NPTXR: variants seen among roughly 807,000 people sequenced by gnomAD.
NPTXR encodes neuronal pentraxin receptor.
In NPTXR, 12 loss-of-function variants were observed where a neutral mutation model predicts 32.2. That is an observed-to-expected ratio of 0.37 (90% CI 0.24 to 0.60). The LOEUF (loss-of-function observed/expected upper bound fraction) is 0.60. NPTXR is among the 20% of genes least tolerant of loss of function. NPTXR has a pLI of 0.66. For missense variants in NPTXR, 612 were observed against 682.9 expected (o/e 0.90, Z 1.16); for synonymous variants, 323 against 315.8 (o/e 1.02, Z -0.24).
intron 4 of NPTXR, 56 bp downstream of exon 4, chr22:38,823,027 A>G: frequency 6.3e-7 from 1 of 1,592,000 alleles, no homozygotes; most frequent in Non-Finnish European, 8.6e-7. Flanking sequence ...TCTGGCCCTC[A>G]GTCTGCCCAT....
chr22:38,838,786 T>G (rs1236290426), intron 1 of NPTXR, among the ~76,000 whole-genome samples: 1 of 151,974 alleles, frequency 6.6e-6, no homozygotes, highest in Non-Finnish European at 1.5e-5. Context: ...TTTCACCGTG[T>G]TAGCCAGGAT....
At chr22:38,824,676 C>T (rs1266008660) in intron 3 of NPTXR, among the ~76,000 whole-genome samples, 1 of 152,224 alleles carries the variant, frequency 6.6e-6, no homozygotes, top group African/African-American at 2.4e-5. Context: ...CAGAACAGGG[C>T]TGCCCAATGC....
At position 38,832,446 on chromosome 22, in the gene NPTXR, G is replaced by A. The variant is rs145788417; in HGVS notation, c.625-3934C>T. ...CTGGGAGTCCGGGGTGGGGTTTGGC[G>A]TAAGTGTGCTGGGCCTAGAGCCAGA... On this transcript the variant is annotated intron_variant, in intron 1 of 4. Transcript: ENST00000333039. Among the ~76,000 whole-genome samples, 604 of 152,348 alleles carry A rather than the reference G, an allele frequency of 4.0e-3. 2 individuals are homozygous for A. The highest frequency in any genetic ancestry group is 0.01 in the Middle Eastern group (3 of 294).
At chr22:38,825,776 C>T (rs1196492246) in intron 3 of NPTXR, among the ~76,000 whole-genome samples, 1 of 151,802 alleles carries the variant, frequency 6.6e-6, no homozygotes, top group Non-Finnish European at 1.5e-5. Flanking sequence ...AACGAGGAGG[C>T]CACAAGCACT....
Position 38,822,534 on chromosome 22 carries a change from G to A in NPTXR, c.*75C>T, listed in dbSNP as rs1347435884. ...GGAGGGAAGGCCAGTGCGTGGGCAG[G>A]CTGAGGAGGGAATATGACCCCCCTC... On this transcript the variant is annotated 3_prime_UTR_variant, in exon 5 of 5. Transcript: ENST00000333039. 5.3e-6 allele frequency: 7 copies of A among 1,317,780 alleles called. No homozygotes were observed. The African/African-American group carries it at 5.8e-5, about 11-fold the overall frequency. 81.6% of individuals were successfully genotyped at this position (1,317,780 alleles called of 1,614,324 possible). A position where few individuals can be genotyped will look rare whatever the true frequency, so the allele number is the denominator to read the frequency against.
Position 38,843,254 on chromosome 22 carries a change from T to C in NPTXR, c.605A>G (p.Asp202Gly). The C allele has an allele frequency of 7.1e-7, 1 of 1,416,596 alleles. No homozygotes were observed. The highest frequency in any genetic ancestry group is 3.1e-5 in the East Asian group (1 of 32,282). 87.8% of individuals were successfully genotyped at this position (1,416,596 alleles called of 1,614,324 possible). The change falls in exon 1 of 5, where the codon GAC (aspartate) becomes GGC (glycine). Residue 202 changes from aspartate (D) to glycine (G), a missense_variant. Coordinates refer to ENST00000333039, the MANE Select transcript of NPTXR (RefSeq NM_014293.4). The surrounding 1 kb of genome is among the most constrained non-coding windows in gnomAD (Gnocchi z 5.3). ...GCTCACCTCCAGGCGGTCGATGCGG[T>C]CCCGCAGGGCGCGCACGGCGTCCTC...
chr22:38,837,873 T>TTATTTTATTTTATTTTATTTTATTTTA, intron 1 of NPTXR, among the ~76,000 whole-genome samples: 3 of 152,026 alleles, frequency 2.0e-5, no homozygotes, highest in South Asian at 2.1e-4. Flanking sequence ...TTATTTTATT[T>TTATTTTATTTTATTTTATTTTATTTTA]GAGACAGAGT....
intron 3 of NPTXR, among the ~76,000 whole-genome samples, chr22:38,824,623 A>G (rs2093103427): frequency 6.6e-6 from 1 of 152,220 alleles, no homozygotes; most frequent in African/African-American, 2.4e-5. Context: ...GGGAACAGTG[A>G]GCAGTCTGTT....
rs772279894 is a variant in NPTXR at position 38,828,468 on chromosome 22, T to C, written c.669A>G (p.Pro223=). 19 of 1,609,850 alleles carry C rather than the reference T, an allele frequency of 1.2e-5. No individual in the cohort carries two copies. The South Asian group carries it at 2.1e-4, about 18-fold the overall frequency. Residue 223 remains proline, a synonymous_variant, in exon 2 of 5, where the codon CCA becomes CCG. Coordinates refer to ENST00000333039, the MANE Select transcript of NPTXR (RefSeq NM_014293.4). ...GTAGGCCGGTGGGCACAGCAGAGAC[T>C]GGGGCTGGGGCAGCTGAGAGGTTCA...
At chr22:38,831,572 C>T (rs182327710) in intron 1 of NPTXR, among the ~76,000 whole-genome samples, 34 of 152,146 alleles carry the variant, frequency 2.2e-4, no homozygotes, top group Non-Finnish European at 4.1e-4. Context: ...CTTCAGGTGA[C>T]ACTGGATGGC....
rs767199079 is a variant in NPTXR, at chr22:38,828,496, C to T, written c.641G>A (p.Arg214His). The T allele has an allele frequency of 1.0e-5, 16 of 1,601,492 alleles. No individual in the cohort carries two copies. The highest frequency in any genetic ancestry group is 2.2e-5 in the East Asian group (1 of 44,478). Residue 214 changes from arginine to histidine, a missense_variant, in exon 2 of 5, where the codon CGT (arginine) becomes CAT (histidine). By Grantham distance (29) the Arg-to-His change is conservative. Coordinates refer to ENST00000333039, the MANE Select transcript of NPTXR (RefSeq NM_014293.4). ...GGCTGGGGCAGCTGAGAGGTTCACACGGGCTGGAAGCTCCTGCTGTTCACA... is the reference window on the plus strand; with the variant it reads ...GGCTGGGGCAGCTGAGAGGTTCACATGGGCTGGAAGCTCCTGCTGTTCACA...
At chr22:38,842,824 C>A (rs1403244350) in intron 1 of NPTXR, among the ~76,000 whole-genome samples, 1 of 152,128 alleles carries the variant, frequency 6.6e-6, no homozygotes, top group Non-Finnish European at 1.5e-5. Flanking sequence ...AAAGTGTGAG[C>A]GTGGAGCTGG....
At chr22:38,829,497 G>T (rs922695864) in intron 1 of NPTXR, among the ~76,000 whole-genome samples, 1 of 152,190 alleles carries the variant, frequency 6.6e-6, no homozygotes, top group Admixed American at 6.5e-5. Context: ...TGGCAGACAT[G>T]TCACAGAAAT....
chr22:38,830,734 G>C (rs985802916), intron 1 of NPTXR, among the ~76,000 whole-genome samples: 3 of 152,274 alleles, frequency 2.0e-5, no homozygotes, highest in Non-Finnish European at 4.4e-5. Flanking sequence ...CCCCTCTTCT[G>C]CTGGCAGTGG....
intron 1 of NPTXR, among the ~76,000 whole-genome samples, chr22:38,833,237 C>T (rs1034582681): frequency 1.7e-4 from 26 of 152,188 alleles, no homozygotes; most frequent in Admixed American, 3.3e-4. Flanking sequence ...TGTTCTGGGA[C>T]GGCCAGACCA....
chr22:38,838,832 T>C (rs962166864), intron 1 of NPTXR, among the ~76,000 whole-genome samples: 40 of 152,000 alleles, frequency 2.6e-4, no homozygotes, highest in Non-Finnish European at 5.4e-4. Flanking sequence ...CTGCCCACCT[T>C]GGCCTCCCAA....
chr22:38,838,367 G>A (rs1603246592), intron 1 of NPTXR, among the ~76,000 whole-genome samples: 1 of 152,100 alleles, frequency 6.6e-6, no homozygotes, highest in East Asian at 1.9e-4. Context: ...GACTGAATAA[G>A]CTAATATGTA....
At chr22:38,835,234 G>A (rs1357842073) in intron 1 of NPTXR, among the ~76,000 whole-genome samples, 1 of 152,096 alleles carries the variant, frequency 6.6e-6, no homozygotes, top group Admixed American at 6.5e-5. Context: ...AGCTGGCGGT[G>A]AGGCAGAGGC....
In NPTXR at chr22:38,826,741, G is replaced by A; in HGVS notation, c.857C>T (p.Ser286Leu). The change falls in exon 3 of 5, where the codon TCA becomes TTA. Residue 286 changes from serine (S) to leucine (L), a missense_variant. Transcript: ENST00000333039. ...GAAGGCATCTGGAGGACTGTAGGCT[G>A]AGGACCCTGAGGGTGGGCAAGGCAG... 3 of 1,612,636 alleles carry A rather than the reference G, an allele frequency of 1.9e-6. No homozygotes were observed. Among genetic ancestry groups the A allele is most frequent in the Non-Finnish European group, 2.5e-6 (3 of 1,179,018 alleles).
Sources: allele counts gnomAD v4.1 joint callset (sites outside exome capture counted in the v4.1 genomes callset), GRCh38; gene constraint gnomAD v4.1.1; non-coding constraint Gnocchi (gnomAD v3.1); transcripts MANE v1.5; gene names NCBI Gene and HGNC (gene_info 2026-07-23, HGNC 2026-07-21).